The following RICTOR variants were observed in gnomAD, a reference collection of about 807,000 sequenced individuals.
RICTOR encodes rapamycin-insensitive companion of mTOR.
RICTOR carries 49 observed loss-of-function variants against 214.9 expected under a neutral mutation model. That is an observed-to-expected ratio of 0.23 (90% CI 0.18 to 0.29). RICTOR has a LOEUF of 0.29. Ranked by LOEUF, RICTOR falls within the 10% of genes least tolerant of loss-of-function variation. RICTOR has a pLI of 1.00. For synonymous variants in RICTOR, 717 were observed against 711.3 expected (o/e 1.01, Z -0.13); for missense variants, 1,625 against 2,047.0 (o/e 0.79, Z 3.98).
intron 2 of RICTOR, among the ~76,000 whole-genome samples, chr5:39,062,782 G>C (rs903365293): frequency 5.9e-5 from 9 of 152,072 alleles, no homozygotes; most frequent in Admixed American, 2.0e-4. Flanking sequence ...AATGCAAGAT[G>C]ACTAAAATCC....
chr5:38,996,391 CCA>C (rs1165984122), intron 6 of RICTOR, among the ~76,000 whole-genome samples: 2 of 152,122 alleles, frequency 1.3e-5, no homozygotes, highest in African/African-American at 4.8e-5. Flanking sequence ...TTGCAACTGC[CCA>C]CAGATTGTAT....
intron 2 of RICTOR, among the ~76,000 whole-genome samples, chr5:39,043,939 A>T (rs376868731): frequency 6.6e-6 from 1 of 152,184 alleles, no homozygotes; most frequent in Non-Finnish European, 1.5e-5. Flanking sequence ...TGGACTTCTT[A>T]GCCTTCATAA....
rs1749881978 is a variant in RICTOR, at chr5:38,962,515, C to A, written c.1638G>T (p.Trp546Cys). The change falls in exon 18 of 38, where the codon TGG becomes TGT. Residue 546 changes from tryptophan to cysteine, a missense_variant. By Grantham distance (215) the Trp-to-Cys change is radical. Transcript: ENST00000357387. ...GAATGGTCCCTATAAGATTCCAATT[C>A]CATTCAAGATTCTCTTTATGTTGAA... ...QVLQHKENLE[W>C]NWNLIGTILK... The A allele has an allele frequency of 6.3e-7, 1 of 1,579,472 alleles. No individual in the cohort carries two copies.
chr5:38,990,198 T>C (rs1752480801), intron 7 of RICTOR, among the ~76,000 whole-genome samples: 1 of 152,084 alleles, frequency 6.6e-6, no homozygotes, highest in Non-Finnish European at 1.5e-5. Flanking sequence ...TGCAGGGACA[T>C]GGATGAAGCT....
intron 4 of RICTOR, among the ~76,000 whole-genome samples, chr5:39,003,166 T>C (rs112348052): frequency 2.0e-5 from 3 of 152,154 alleles, no homozygotes; most frequent in Admixed American, 6.6e-5. Flanking sequence ...TATAAAGCCA[T>C]ATAACATGCC....
At chr5:39,046,055 A>ATAAATAAATAAATAAATAAG (rs1290061381) in intron 2 of RICTOR, among the ~76,000 whole-genome samples, 7 of 151,244 alleles carry the variant, frequency 4.6e-5, no homozygotes, top group African/African-American at 1.7e-4. Context: ...AAATAAATAA[A>ATAAATAAATAAATAAATAAG]TAAATAAATG....
At chr5:38,972,955 CAAT>C (rs1750911924) in intron 10 of RICTOR, among the ~76,000 whole-genome samples, 2 of 149,060 alleles carry the variant, frequency 1.3e-5, no homozygotes, top group Admixed American at 1.3e-4. Flanking sequence ...CTGATATATA[CAAT>C]AACATAAATG....
At chr5:39,060,140 A>G (rs575301108) in intron 2 of RICTOR, among the ~76,000 whole-genome samples, 1 of 152,130 alleles carries the variant, frequency 6.6e-6, no homozygotes, top group Non-Finnish European at 1.5e-5. Flanking sequence ...TTACATACGT[A>G]TAAGCCAACT....
chr5:39,060,077 T>A (rs1758441771), intron 2 of RICTOR, among the ~76,000 whole-genome samples: 1 of 152,112 alleles, frequency 6.6e-6, no homozygotes, highest in Admixed American at 6.6e-5. Flanking sequence ...TTTGTCCATA[T>A]TAGTTATATT....
In RICTOR at chr5:39,021,725, C is replaced by A. The variant is rs80073486; in HGVS notation, c.98-589G>T. 1.8e-3 allele frequency among the ~76,000 whole-genome samples: 274 copies of A among 152,202 alleles called. 2 individuals are homozygous for A. Among genetic ancestry groups the A allele is most frequent in the African/African-American group, 6.3e-3 (263 of 41,526 alleles). On this transcript the variant is annotated intron_variant, in intron 2 of 37. Coordinates refer to ENST00000357387, the MANE Select transcript of RICTOR (RefSeq NM_152756.5). ...TGAAGGCCCCTCGACCTCAGACTTCCCTGCCTCCAGAACTGTGAGAAATAA... is the reference window on the plus strand; with the variant it reads ...TGAAGGCCCCTCGACCTCAGACTTCACTGCCTCCAGAACTGTGAGAAATAA...
At chr5:38,988,151 T>C (rs921288143) in intron 7 of RICTOR, among the ~76,000 whole-genome samples, 5 of 152,138 alleles carry the variant, frequency 3.3e-5, no homozygotes, top group African/African-American at 4.8e-5. Flanking sequence ...GTAAGTGTGA[T>C]GTAGTGCTGA....
At chr5:38,987,614 T>C (rs1752273232) in intron 7 of RICTOR, among the ~76,000 whole-genome samples, 1 of 152,190 alleles carries the variant, frequency 6.6e-6, no homozygotes, top group Non-Finnish European at 1.5e-5. Flanking sequence ...TCTTCTTTAT[T>C]AGTCTGGCTA....
intron 2 of RICTOR, among the ~76,000 whole-genome samples, chr5:39,046,244 G>C (rs968660294): frequency 4.4e-4 from 67 of 150,884 alleles, no homozygotes; most frequent in African/African-American, 1.4e-3. Context: ...TACGCCTGTC[G>C]TCCCAGCTAC....
chr5:39,016,947 T>C (rs1426077050), intron 3 of RICTOR, among the ~76,000 whole-genome samples: 1 of 152,226 alleles, frequency 6.6e-6, no homozygotes, highest in Non-Finnish European at 1.5e-5. Context: ...ATGTTTTAGA[T>C]ATACTGGCTT....
chr5:38,949,760 G>C lies in RICTOR; in HGVS notation c.4088C>G (p.Thr1363Ser), dbSNP rs1561443596. Residue 1363 changes from threonine to serine, a missense_variant, in exon 31 of 38, where the codon ACC (threonine) becomes AGC (serine). Physicochemically the swap from Thr to Ser is moderately conservative, Grantham distance 58. This residue lies in a region of RICTOR where 1,214 missense variants were observed against 1,470.5 expected (regional missense o/e 0.83). Coordinates refer to ENST00000357387, the MANE Select transcript of RICTOR (RefSeq NM_152756.5). ...SPAKDVLFTD[T>S]ITMKANSFES... is the part of the protein sequence containing the mutation. ...AAAACTGTTGGCCTTCATGGTGATG[G>C]TATCAGTAAATAGCACATCTTTTGC... 1.2e-6 allele frequency: 2 copies of C among 1,613,320 alleles called. No individual in the cohort carries two copies. The highest frequency in any genetic ancestry group is 2.2e-5 in the South Asian group (2 of 91,068).
At chr5:38,949,554 G>A in intron 31 of RICTOR, 158 bp downstream of exon 31, 1 of 1,050,530 alleles carries the variant, frequency 9.5e-7, no homozygotes, top group South Asian at 1.6e-5. Flanking sequence ...TCCATTTCAA[G>A]TCATATCGGG....
chr5:38,946,633 A>G (rs1748235813), intron 32 of RICTOR, 81 bp from the exon 33 acceptor site: 2 of 839,174 alleles, frequency 2.4e-6, no homozygotes, highest in East Asian at 5.1e-5. Flanking sequence ...TAAACAAAAT[A>G]AAATTAAAAT....
intron 5 of RICTOR, 65 bp downstream of exon 5, chr5:39,002,470 T>C (rs1049857930): frequency 8.7e-5 from 90 of 1,040,418 alleles, no homozygotes; most frequent in South Asian, 6.7e-4. Flanking sequence ...ATACACTTTA[T>C]GGCAGGCATG....
At chr5:39,051,042 TACACACAC>T (rs111723153) in intron 2 of RICTOR, among the ~76,000 whole-genome samples, 2 of 145,752 alleles carry the variant, frequency 1.4e-5, no homozygotes. Context: ...TACATATATA[TACACACAC>T]ACACACACAC....
Sources: allele counts gnomAD v4.1 joint callset (sites outside exome capture counted in the v4.1 genomes callset), GRCh38; gene constraint gnomAD v4.1.1; regional missense constraint gnomAD v4.1.1; transcripts MANE v1.5; gene names NCBI Gene and HGNC (gene_info 2026-07-23, HGNC 2026-07-21).